Variants in ATP11A observed in about 807,000 individuals in gnomAD.
ATP11A encodes the protein ATPase phospholipid transporting 11A.
ATP11A carries 81 observed loss-of-function variants against 154.4 expected under a neutral mutation model. The ratio of observed to expected loss-of-function variants is 0.52; its 90% confidence interval spans 0.44 to 0.63. ATP11A has a LOEUF of 0.63. Among genes scored for constraint, ATP11A ranks in the 30% least tolerant of loss-of-function variants. ATP11A has a pLI of 0.00. For missense variants in ATP11A, 1,316 were observed against 1,474.3 expected, an observed-to-expected ratio of 0.89 and a Z score of 1.76; for synonymous variants, 623 against 585.9, an observed-to-expected ratio of 1.06 and a Z score of -0.91.
chr13:112,868,733 A>C (rs1051693803), intron 25 of ATP11A, among the ~76,000 whole-genome samples: 2 of 152,202 alleles, frequency 1.3e-5, no homozygotes, highest in African/African-American at 4.8e-5. Context: ...CGCACATGTT[A>C]GTCCATTTTC....
chr13:112,787,745 G>A (rs918403154), intron 2 of ATP11A, among the ~76,000 whole-genome samples: 3 of 151,042 alleles, frequency 2.0e-5, no homozygotes, highest in African/African-American at 7.3e-5. Context: ...GTCCTGATGT[G>A]TAGACCCCTG....
intron 1 of ATP11A, among the ~76,000 whole-genome samples, chr13:112,720,881 G>T (rs1279192692): frequency 6.6e-6 from 1 of 152,130 alleles, no homozygotes; most frequent in Non-Finnish European, 1.5e-5. Context: ...CAAATGGGAG[G>T]GGCCAGGCGT....
rs545428127 is a variant in ATP11A, at chr13:112,783,008, G to T, written c.40-2127G>T. ...GTTGGGGCACATGGAGACTGCTGTG[G>T]TCTCTTTCCGTTATTTTACTTAGAC... On this transcript the variant is annotated intron_variant, in intron 1 of 29. Transcript: ENST00000375645. 1.1e-4 allele frequency among the ~76,000 whole-genome samples: 17 copies of T among 152,338 alleles called. No individual in the cohort carries two copies. The East Asian group carries it at 2.3e-3, about 21-fold the overall frequency.
chr13:112,881,373 G>A lies in ATP11A; in HGVS notation c.*10-503G>A, dbSNP rs139463013. ...GGCACGTCCAGTACTAAATCAACCC[G>A]GTCCCTGTGGGGTGGGGCCTGCCTT... On this transcript the variant is annotated intron_variant, in intron 29 of 29. Transcript: ENST00000375645. The A allele has an allele frequency of 5.5e-4, 572 of 1,037,756 alleles. 7 individuals carry two copies. In the East Asian group the frequency reaches 0.017, roughly 30 times the overall value. The allele number at this position is 1,037,756 out of a possible 1,614,324, so 64.3% of individuals were successfully genotyped here.
At chr13:112,740,148 C>CTATA (rs59104065) in intron 1 of ATP11A, among the ~76,000 whole-genome samples, 102 of 137,898 alleles carry the variant, frequency 7.4e-4, no homozygotes, top group Non-Finnish European at 1.1e-3. Flanking sequence ...CTCTCTCTCT[C>CTATA]TATATATATA....
Position 112,860,588 on chromosome 13 carries a change from A to C in ATP11A, c.2855+174A>C, listed in dbSNP as rs533871550. Reference sequence around the variant, plus strand: ...TTTAAACTGGAAGCAACATAGCTCAAATGGAGATTCTTCAAGTCTTGCTGG... The same window carrying C: ...TTTAAACTGGAAGCAACATAGCTCACATGGAGATTCTTCAAGTCTTGCTGG... On this transcript the variant is annotated intron_variant, in intron 24 of 29. Coordinates refer to ENST00000375645, the MANE Select transcript of ATP11A (RefSeq NM_015205.3). 5.4e-4 allele frequency: 367 copies of C among 683,136 alleles called. 2 individuals carry two copies. The African/African-American group carries it at 5.9e-3, about 11-fold the overall frequency. 42.3% of individuals were successfully genotyped at this position (683,136 alleles called of 1,614,324 possible). A position where few individuals can be genotyped will look rare whatever the true frequency, so the allele number is the denominator to read the frequency against.
intron 1 of ATP11A, among the ~76,000 whole-genome samples, chr13:112,698,339 T>C (rs1886119779): frequency 6.6e-6 from 1 of 152,162 alleles, no homozygotes; most frequent in Non-Finnish European, 1.5e-5. Flanking sequence ...GACACAGGCT[T>C]TTCTGGTTTG....
intron 2 of ATP11A, among the ~76,000 whole-genome samples, chr13:112,789,899 G>T (rs140654481): frequency 6.6e-6 from 1 of 151,428 alleles, no homozygotes; most frequent in Non-Finnish European, 1.5e-5. Context: ...CCCCTGTGGA[G>T]ACCTACTTAA....
Position 112,712,653 on chromosome 13 carries a change from G to A in ATP11A, c.39+22198G>A, listed in dbSNP as rs116168673. On this transcript the variant is annotated intron_variant, in intron 1 of 29. Transcript: ENST00000375645. ...TGCGCAGAGCCCCTCTCACTGGACC[G>A]GCGTCAGTGCCCCACAGAGACTGGA... 5.2e-3 allele frequency among the ~76,000 whole-genome samples: 794 copies of A among 152,308 alleles called. 8 individuals are homozygous for A. The highest frequency in any genetic ancestry group is 0.018 in the African/African-American group (753 of 41,566).
rs879574697 is a variant in ATP11A at position 112,875,742 on chromosome 13, G to A, written c.3162-34G>A. On this transcript the variant is annotated intron_variant, in intron 27 of 29. Transcript: ENST00000375645. This position sits in a 1 kb window ranked among gnomAD's most constrained non-coding sequence, Gnocchi z 4.1. ...GAGAGGCCAGCCCCAGGGAGTACAT[G>A]CCTCACCAGCGGCTTCTCTTCCCTG... 6.2e-6 allele frequency: 10 copies of A among 1,605,102 alleles called. No homozygotes were observed. Among genetic ancestry groups the A allele is most frequent in the Non-Finnish European group, 8.5e-6 (10 of 1,174,048 alleles).
At chr13:112,839,049 A>G (rs1297394286) in intron 16 of ATP11A, among the ~76,000 whole-genome samples, 2 of 148,622 alleles carry the variant, frequency 1.3e-5, no homozygotes, top group East Asian at 2.0e-4. Flanking sequence ...TGTCCGCAGG[A>G]CCCTTTTTTA....
chr13:112,854,820 G>A (rs1426354591), intron 19 of ATP11A, among the ~76,000 whole-genome samples: 1 of 152,228 alleles, frequency 6.6e-6, no homozygotes, highest in East Asian at 1.9e-4. Context: ...AAAATATTTT[G>A]AGTGGGATAA....
intron 1 of ATP11A, among the ~76,000 whole-genome samples, chr13:112,709,900 C>T (rs553994429): frequency 2.6e-5 from 4 of 152,260 alleles, no homozygotes; most frequent in African/African-American, 9.6e-5. Flanking sequence ...ATAGGAGCTG[C>T]GCCCATGAGG....
intron 1 of ATP11A, among the ~76,000 whole-genome samples, chr13:112,774,495 C>G (rs143753594): frequency 1.9e-3 from 286 of 152,332 alleles, no homozygotes; most frequent in African/African-American, 6.6e-3. Context: ...TAATCAGGGA[C>G]TCTCAGGGGA....
At chr13:112,705,386 A>AGAGGGAAACCCTGGGATTCTC (rs1233838994) in intron 1 of ATP11A, among the ~76,000 whole-genome samples, 1 of 152,224 alleles carries the variant, frequency 6.6e-6, no homozygotes, top group African/African-American at 2.4e-5. Context: ...GGGGGTGCTC[A>AGAGGGAAACCCTGGGATTCTC]GCAGTTGATG....
intron 1 of ATP11A, among the ~76,000 whole-genome samples, chr13:112,757,987 C>T (rs560644569): frequency 5.8e-4 from 88 of 152,316 alleles, no homozygotes; most frequent in African/African-American, 1.9e-3. Context: ...AGGGAGTCCA[C>T]GCCACATGCA....
intron 1 of ATP11A, among the ~76,000 whole-genome samples, chr13:112,712,696 T>C (rs1267272421): frequency 6.6e-6 from 1 of 152,176 alleles, no homozygotes; most frequent in Non-Finnish European, 1.5e-5. Flanking sequence ...TTCCAAGGTG[T>C]GGCTCTATGG....
chr13:112,731,057 T>A (rs1488179196), intron 1 of ATP11A, among the ~76,000 whole-genome samples: 1 of 152,176 alleles, frequency 6.6e-6, no homozygotes, highest in Non-Finnish European at 1.5e-5. Context: ...TGCCTCAGCC[T>A]CCTGAGTAGC....
chr13:112,785,925 C>T lies in ATP11A; in HGVS notation c.162+668C>T, dbSNP rs969785414. ...ACTGTGCTTTCCAGGTAATGCGGAACGCACGTGCCTGCGTTCAGACTCCAT... is the reference window on the plus strand; with the variant it reads ...ACTGTGCTTTCCAGGTAATGCGGAATGCACGTGCCTGCGTTCAGACTCCAT... On this transcript the variant is annotated intron_variant, in intron 2 of 29. Coordinates refer to ENST00000375645, the MANE Select transcript of ATP11A (RefSeq NM_015205.3). This position sits in a 1 kb window ranked among gnomAD's most constrained non-coding sequence, Gnocchi z 4.8. 5.3e-5 allele frequency among the ~76,000 whole-genome samples: 8 copies of T among 152,170 alleles called. No individual in the cohort carries two copies. Among genetic ancestry groups the T allele is most frequent in the Non-Finnish European group, 1.0e-4 (7 of 68,014 alleles).
Sources: allele counts gnomAD v4.1 joint callset (sites outside exome capture counted in the v4.1 genomes callset), GRCh38; gene constraint gnomAD v4.1.1; non-coding constraint Gnocchi (gnomAD v3.1); transcripts MANE v1.5; gene names NCBI Gene and HGNC (gene_info 2026-07-23, HGNC 2026-07-21).